The following ANKS1B variants were observed in gnomAD, a reference collection of about 807,000 sequenced individuals.
The protein encoded by ANKS1B is ankyrin repeat and sterile alpha motif domain-containing protein 1B.
In ANKS1B, 36 loss-of-function variants were observed where a neutral mutation model predicts 148.3. The observed-to-expected ratio is 0.24, with a 90% CI of 0.19 to 0.32. ANKS1B has a LOEUF of 0.32. Among genes scored for constraint, ANKS1B ranks in the 10% least tolerant of loss-of-function variants. The pLI, the probability that ANKS1B is intolerant of heterozygous loss-of-function variation, is 1.00. For missense variants in ANKS1B, 1,157 were observed against 1,542.6 expected (o/e 0.75, Z 4.19); for synonymous variants, 542 against 560.8 (o/e 0.97, Z 0.47).
rs137855310 is a variant in ANKS1B, at chr12:99,689,742, G to T, written c.1129-34532C>A. The stretch of plus-strand genomic sequence containing the variant: ...ATCTGAGACCAGCCTCAAGTTGAAA[G>T]CAACTCTCCTCCAATAGTCTACAAG... On this transcript the variant is annotated intron_variant, in intron 8 of 26. Coordinates refer to ENST00000683438, the MANE Select transcript of ANKS1B (RefSeq NM_001352186.2). Among the ~76,000 whole-genome samples the T allele has an allele frequency of 9.1e-3, 1,390 of 152,244 alleles. 6 individuals carry two copies. Among genetic ancestry groups the T allele is most frequent in the Middle Eastern group, 0.024 (7 of 294 alleles).
At chr12:99,226,108 T>C (rs1346874734) in intron 14 of ANKS1B, among the ~76,000 whole-genome samples, 1 of 152,226 alleles carries the variant, frequency 6.6e-6, no homozygotes, top group Non-Finnish European at 1.5e-5. Context: ...AGTATAAACA[T>C]ACAGAGTCCA....
intron 14 of ANKS1B, among the ~76,000 whole-genome samples, chr12:99,233,785 T>C (rs1235949797): frequency 2.6e-5 from 4 of 152,128 alleles, no homozygotes; most frequent in Admixed American, 6.6e-5. Flanking sequence ...AAGAGGAAAC[T>C]GATTTCTATT....
intron 17 of ANKS1B, among the ~76,000 whole-genome samples, chr12:98,880,717 G>A (rs2099705277): frequency 6.6e-6 from 1 of 152,062 alleles, no homozygotes; most frequent in South Asian, 2.1e-4. Context: ...GCAGTGAGCC[G>A]AGATCGCGCC....
chr12:99,704,669 A>G (rs2055431402), intron 8 of ANKS1B, among the ~76,000 whole-genome samples: 1 of 152,090 alleles, frequency 6.6e-6, no homozygotes, highest in Non-Finnish European at 1.5e-5. Context: ...TCACAAAATG[A>G]GGCTCTCCAG....
At chr12:98,771,950 A>C (rs994730516) in intron 25 of ANKS1B, among the ~76,000 whole-genome samples, 24 of 152,210 alleles carry the variant, frequency 1.6e-4, no homozygotes, top group African/African-American at 5.5e-4. Context: ...TGACAGACAT[A>C]GTGAGGGACA....
chr12:99,856,718 G>A (rs550335190), intron 1 of ANKS1B, among the ~76,000 whole-genome samples: 2 of 152,192 alleles, frequency 1.3e-5, no homozygotes, highest in South Asian at 2.1e-4. Context: ...GGGATGCGGG[G>A]ACGGTTTAAC....
chr12:99,148,332 A>G (rs2073854730), intron 15 of ANKS1B, among the ~76,000 whole-genome samples: 3 of 152,156 alleles, frequency 2.0e-5, no homozygotes, highest in Admixed American at 2.0e-4. Flanking sequence ...GGGGCAGCAT[A>G]TTTTAATGCT....
intron 9 of ANKS1B, among the ~76,000 whole-genome samples, chr12:99,625,464 G>A (rs2098102917): frequency 1.3e-5 from 2 of 151,998 alleles, no homozygotes; most frequent in South Asian, 4.1e-4. Flanking sequence ...ACTTGCCATT[G>A]TTTGTCTCCA....
At chr12:99,906,252 G>A (rs887873817) in intron 1 of ANKS1B, among the ~76,000 whole-genome samples, 16 of 152,164 alleles carry the variant, frequency 1.1e-4, no homozygotes, top group African/African-American at 2.9e-4. Flanking sequence ...GACTGGCAAT[G>A]AAGAGGAAAA....
intron 17 of ANKS1B, among the ~76,000 whole-genome samples, chr12:98,928,898 G>C (rs948542154): frequency 6.6e-6 from 1 of 151,934 alleles, no homozygotes; most frequent in Non-Finnish European, 1.5e-5. Context: ...TAGCTACTCT[G>C]GTCACTTCTA....
intron 4 of ANKS1B, among the ~76,000 whole-genome samples, chr12:99,794,359 A>G (rs1304846496): frequency 6.6e-6 from 1 of 151,888 alleles, no homozygotes; most frequent in African/African-American, 2.4e-5. Context: ...TTTTGAAGAG[A>G]TATTTACAAT....
At chr12:99,215,513 G>C (rs1321163262) in intron 14 of ANKS1B, among the ~76,000 whole-genome samples, 2 of 152,214 alleles carry the variant, frequency 1.3e-5, no homozygotes, top group African/African-American at 2.4e-5. Flanking sequence ...GCTGGGAGCG[G>C]CACTGTATCC....
chr12:99,524,694 AAT>A (rs1433474437), intron 9 of ANKS1B, among the ~76,000 whole-genome samples: 1 of 152,244 alleles, frequency 6.6e-6, no homozygotes, highest in Non-Finnish European at 1.5e-5. Flanking sequence ...GAGGCCTCAC[AAT>A]CATGGCAGAA....
At chr12:99,496,210 C>T (rs1267434212) in intron 10 of ANKS1B, among the ~76,000 whole-genome samples, 3 of 152,132 alleles carry the variant, frequency 2.0e-5, no homozygotes. Flanking sequence ...TTCAAAATAA[C>T]GGTTGCCTAG....
chr12:98,931,233 C>T (rs139567253), intron 17 of ANKS1B, among the ~76,000 whole-genome samples: 73 of 152,240 alleles, frequency 4.8e-4, no homozygotes, highest in African/African-American at 1.6e-3. Context: ...GCCCAATCCA[C>T]CATATCTTTC....
At chr12:99,867,007 A>G (rs2090844279) in intron 1 of ANKS1B, among the ~76,000 whole-genome samples, 2 of 152,176 alleles carry the variant, frequency 1.3e-5, no homozygotes, top group Admixed American at 1.3e-4. Flanking sequence ...AAAGGGAAAT[A>G]ATCTGACATC....
intron 13 of ANKS1B, among the ~76,000 whole-genome samples, chr12:99,244,639 T>C (rs2089963831): frequency 6.6e-6 from 1 of 152,240 alleles, no homozygotes; most frequent in Middle Eastern, 3.2e-3. Flanking sequence ...AAAATTAGTT[T>C]GCCTTTTCTT....
chr12:99,187,720 T>TC (rs2080067118), intron 14 of ANKS1B, among the ~76,000 whole-genome samples: 1 of 152,026 alleles, frequency 6.6e-6, no homozygotes, highest in Non-Finnish European at 1.5e-5. Context: ...GAACAACCGG[T>TC]CCAGCCACTG....
intron 8 of ANKS1B, among the ~76,000 whole-genome samples, chr12:99,722,856 A>T (rs2058227563): frequency 1.3e-5 from 2 of 152,234 alleles, no homozygotes; most frequent in Non-Finnish European, 2.9e-5. Flanking sequence ...CTGACTAGGC[A>T]GCTGGTGTGA....
Sources: gnomAD v4.1 joint callset for allele counts (sites outside exome capture counted in the v4.1 genomes callset) on GRCh38, gnomAD v4.1.1 for gene constraint, MANE v1.5 for transcripts, NCBI Gene and HGNC (gene_info 2026-07-23, HGNC 2026-07-21) for gene names.